Variants in ATP8A2 observed in about 807,000 individuals in gnomAD.
ATP8A2 encodes ATPase phospholipid transporting 8A2.
In ATP8A2, 100 loss-of-function variants were observed where a neutral mutation model predicts 165.6. The ratio of observed to expected loss-of-function variants is 0.60; its 90% confidence interval spans 0.51 to 0.71. ATP8A2 has a LOEUF of 0.71. ATP8A2 is among the 30% of genes least tolerant of loss of function. The pLI, the probability that ATP8A2 is intolerant of heterozygous loss-of-function variation, is 0.00. For missense variants in ATP8A2, 1,227 were observed against 1,479.5 expected (o/e 0.83, Z 2.80); for synonymous variants, 543 against 548.8 (o/e 0.99, Z 0.15).
intron 12 of ATP8A2, among the ~76,000 whole-genome samples, chr13:25,554,590 G>A (rs1406710132): frequency 1.3e-5 from 2 of 150,854 alleles, no homozygotes; most frequent in African/African-American, 4.9e-5. Context: ...ATGAAGTCTT[G>A]TGCTGTCACC....
chr13:25,442,489 C>T (rs2034958122), intron 1 of ATP8A2, among the ~76,000 whole-genome samples: 2 of 152,158 alleles, frequency 1.3e-5, no homozygotes, highest in Non-Finnish European at 2.9e-5. Flanking sequence ...TTATGGCTCG[C>T]TGTAGCCTCA....
At chr13:25,925,359 C>A (rs1351361080) in intron 33 of ATP8A2, among the ~76,000 whole-genome samples, 1 of 151,920 alleles carries the variant, frequency 6.6e-6, no homozygotes, top group Non-Finnish European at 1.5e-5. Context: ...ATGGTGAAAC[C>A]CCATCTCTAC....
chr13:25,603,643 G>A (rs2040445172), intron 24 of ATP8A2, among the ~76,000 whole-genome samples: 1 of 151,964 alleles, frequency 6.6e-6, no homozygotes, highest in South Asian at 2.1e-4. Flanking sequence ...ATTGGTGATG[G>A]GAGGTGGTGA....
At chr13:25,559,996 T>C (rs914517396) in intron 15 of ATP8A2, among the ~76,000 whole-genome samples, 2 of 151,912 alleles carry the variant, frequency 1.3e-5, no homozygotes, top group Non-Finnish European at 2.9e-5. Flanking sequence ...CCTGACTAAT[T>C]TTGTAATTTT....
chr13:25,427,158 T>C (rs374605767), intron 1 of ATP8A2, among the ~76,000 whole-genome samples: 88 of 152,226 alleles, frequency 5.8e-4, no homozygotes, highest in African/African-American at 2.1e-3. Context: ...CGTGAAGCCT[T>C]ATCTGTATTT....
intron 25 of ATP8A2, among the ~76,000 whole-genome samples, chr13:25,714,299 C>A (rs1427378108): frequency 6.6e-6 from 1 of 152,056 alleles, no homozygotes; most frequent in East Asian, 1.9e-4. Flanking sequence ...AGGCTTTGCC[C>A]CAGGACTATA....
At chr13:25,644,153 G>A (rs1363707726) in intron 24 of ATP8A2, among the ~76,000 whole-genome samples, 1 of 151,828 alleles carries the variant, frequency 6.6e-6, no homozygotes. Context: ...AATCTTTAGG[G>A]TTTTCTCTAT....
intron 1 of ATP8A2, among the ~76,000 whole-genome samples, chr13:25,387,007 GAACAA>G (rs927256143): frequency 4.2e-4 from 64 of 151,706 alleles, no homozygotes; most frequent in African/African-American, 1.5e-3. Flanking sequence ...AAAAAAAACA[GAACAA>G]AACAAAACAA....
chr13:25,475,520 C>T (rs749277472), intron 2 of ATP8A2, among the ~76,000 whole-genome samples: 19 of 152,188 alleles, frequency 1.2e-4, no homozygotes, highest in Admixed American at 6.5e-4. Context: ...TTATGTTCCT[C>T]TTGGTGTATA....
intron 33 of ATP8A2, among the ~76,000 whole-genome samples, chr13:25,867,558 T>TAA: frequency 6.6e-6 from 1 of 152,252 alleles, no homozygotes; most frequent in African/African-American, 2.4e-5. Flanking sequence ...TGTTTGGTTG[T>TAA]CCCACATCCA....
chr13:26,011,054 C>T (rs1211998179), intron 35 of ATP8A2, among the ~76,000 whole-genome samples: 1 of 152,108 alleles, frequency 6.6e-6, no homozygotes, highest in African/African-American at 2.4e-5. Flanking sequence ...GCTCACTGAT[C>T]GATCGGGGGC....
At chr13:25,567,025 G>T in intron 16 of ATP8A2, 1 of 257,366 alleles carries the variant, frequency 3.9e-6, no homozygotes, top group South Asian at 4.4e-5. Flanking sequence ...CATAAAGGTG[G>T]GATGCCATAG....
At chr13:25,696,152 T>C (rs969195156) in intron 24 of ATP8A2, among the ~76,000 whole-genome samples, 1 of 152,210 alleles carries the variant, frequency 6.6e-6, no homozygotes, top group Non-Finnish European at 1.5e-5. Flanking sequence ...TGAGCAGTAA[T>C]ATTTTGAAAG....
chr13:25,700,325 A>G (rs1373158129), intron 25 of ATP8A2, among the ~76,000 whole-genome samples: 2 of 152,212 alleles, frequency 1.3e-5, no homozygotes, highest in Admixed American at 6.5e-5. Flanking sequence ...GCCTTTGAGT[A>G]TATTCACAAA....
At chr13:26,015,313 A>G (rs1381046680) in intron 36 of ATP8A2, among the ~76,000 whole-genome samples, 1 of 152,160 alleles carries the variant, frequency 6.6e-6, no homozygotes, top group Non-Finnish European at 1.5e-5. Context: ...GGATGGGCAT[A>G]TAGCAGGTCT....
intron 36 of ATP8A2, among the ~76,000 whole-genome samples, chr13:26,017,699 C>A (rs529061827): frequency 6.6e-6 from 1 of 152,216 alleles, no homozygotes; most frequent in Non-Finnish European, 1.5e-5. Context: ...AACTCTAAAG[C>A]CCTGAGAATC....
chr13:25,773,188 A>G (rs2044663931), intron 26 of ATP8A2, among the ~76,000 whole-genome samples: 1 of 152,182 alleles, frequency 6.6e-6, no homozygotes, highest in Non-Finnish European at 1.5e-5. Context: ...ATAGGTTTCA[A>G]GCTTGTGGAC....
chr13:25,494,647 C>T (rs2137661650), intron 2 of ATP8A2, among the ~76,000 whole-genome samples: 1 of 152,314 alleles, frequency 6.6e-6, no homozygotes, highest in East Asian at 1.9e-4. Flanking sequence ...CTGATATTCA[C>T]AGGGCCTTCA....
chr13:25,723,151 G>A (rs192554277), intron 25 of ATP8A2, among the ~76,000 whole-genome samples: 1 of 152,326 alleles, frequency 6.6e-6, no homozygotes, highest in East Asian at 1.9e-4. Context: ...AATAGTAAAT[G>A]TCTTGGGCAA....
Sources: gnomAD v4.1 joint callset for allele counts (sites outside exome capture counted in the v4.1 genomes callset) on GRCh38, gnomAD v4.1.1 for gene constraint, MANE v1.5 for transcripts, NCBI Gene and HGNC (gene_info 2026-07-23, HGNC 2026-07-21) for gene names.